The following BRINP3 variants were observed in gnomAD, a reference collection of about 807,000 sequenced individuals.
BRINP3 encodes BMP/retinoic acid-inducible neural-specific protein 3.
In BRINP3, 19 loss-of-function variants were observed where a neutral mutation model predicts 71.0. That is an observed-to-expected ratio of 0.27 (90% CI 0.19 to 0.39). The LOEUF (loss-of-function observed/expected upper bound fraction) is 0.39. Among genes scored for constraint, BRINP3 ranks in the 10% least tolerant of loss-of-function variants. The pLI is 1.00. For synonymous variants in BRINP3, 380 were observed against 337.7 expected (o/e 1.13, Z -1.37); for missense variants, 959 against 940.8 (o/e 1.02, Z -0.25).
intron 2 of BRINP3, among the ~76,000 whole-genome samples, chr1:190,416,391 G>C (rs72731152): frequency 0.059 from 9,036 of 152,068 alleles, 408 homozygotes; most frequent in Non-Finnish European, 0.08. Flanking sequence ...ACTTGCCCAA[G>C]AGCCCCATGA....
chr1:190,293,875 T>C (rs1339037311), intron 2 of BRINP3, among the ~76,000 whole-genome samples: 2 of 152,156 alleles, frequency 1.3e-5, no homozygotes, highest in Non-Finnish European at 2.9e-5. Context: ...ATAGAATATA[T>C]ATTTCCACCT....
chr1:190,458,160 A>C (rs1676135771), intron 1 of BRINP3, among the ~76,000 whole-genome samples: 1 of 151,922 alleles, frequency 6.6e-6, no homozygotes, highest in Non-Finnish European at 1.5e-5. Flanking sequence ...TCTACTTCTG[A>C]CTTTGGGAAC....
chr1:190,456,500 A>G (rs186248669), intron 1 of BRINP3, among the ~76,000 whole-genome samples: 1 of 152,080 alleles, frequency 6.6e-6, no homozygotes, highest in Non-Finnish European at 1.5e-5. Flanking sequence ...GCTTTTTTCT[A>G]TTATCTATAT....
chr1:190,444,239 C>CAAAAAAAAAAAA (rs764014934), intron 2 of BRINP3, among the ~76,000 whole-genome samples: 22 of 56,320 alleles, frequency 3.9e-4, no homozygotes, highest in Non-Finnish European at 4.3e-4. Flanking sequence ...AACTCCGTCT[C>CAAAAAAAAAAAA]AAAAAAAAAA....
chr1:190,327,350 AG>A (rs1558184829), intron 2 of BRINP3, among the ~76,000 whole-genome samples: 38 of 129,620 alleles, frequency 2.9e-4, no homozygotes, highest in Non-Finnish European at 3.6e-4. Flanking sequence ...AAAAAAAAAA[AG>A]GAAAAAAAAA....
At chr1:190,358,140 A>G (rs1171336) in intron 2 of BRINP3, among the ~76,000 whole-genome samples, 55,005 of 152,044 alleles carry the variant, frequency 0.36, 11,017 homozygotes, top group Admixed American at 0.48. Flanking sequence ...CAATGGCAAC[A>G]AAAGACAAAA....
chr1:190,228,729 G>C (rs939658716), intron 5 of BRINP3, among the ~76,000 whole-genome samples: 1 of 151,830 alleles, frequency 6.6e-6, no homozygotes, highest in African/African-American at 2.4e-5. Context: ...GGTTCCTAGA[G>C]AGATAGCTTG....
At chr1:190,190,691 T>C (rs1653958236) in intron 6 of BRINP3, among the ~76,000 whole-genome samples, 1 of 151,984 alleles carries the variant, frequency 6.6e-6, no homozygotes, top group African/African-American at 2.4e-5. Flanking sequence ...TTATAAGACA[T>C]AGGGAAAATC....
intron 4 of BRINP3, among the ~76,000 whole-genome samples, chr1:190,246,053 G>A (rs144865326): frequency 8.4e-4 from 127 of 150,512 alleles, no homozygotes; most frequent in Non-Finnish European, 1.5e-3. Context: ...GAATAGTGCC[G>A]CAATAAACAT....
At chr1:190,343,107 G>T (rs976492177) in intron 2 of BRINP3, among the ~76,000 whole-genome samples, 1 of 151,760 alleles carries the variant, frequency 6.6e-6, no homozygotes, top group Non-Finnish European at 1.5e-5. Flanking sequence ...AGATGAACAG[G>T]CGATGTATCA....
rs1386961502 is a variant in BRINP3, at chr1:190,221,729, T to C, written c.961+4353A>G. On this transcript the variant is annotated intron_variant, in intron 6 of 7. Coordinates refer to ENST00000367462, the MANE Select transcript of BRINP3 (RefSeq NM_199051.3). ...AGCGTGAAGGGGTGGAAAAAGATAC[T>C]CGATGCAACTGGAAAACAAAGGAGC... 3.3e-5 allele frequency among the ~76,000 whole-genome samples: 5 copies of C among 152,084 alleles called. No individual in the cohort carries two copies. The East Asian group carries it at 9.7e-4, about 29-fold the overall frequency.
intron 2 of BRINP3, among the ~76,000 whole-genome samples, chr1:190,442,313 G>A (rs1030270934): frequency 6.6e-6 from 1 of 152,100 alleles, no homozygotes; most frequent in East Asian, 1.9e-4. Flanking sequence ...TTTAAGATAA[G>A]ACCGTCAGCA....
intron 2 of BRINP3, among the ~76,000 whole-genome samples, chr1:190,302,963 C>T (rs919832603): frequency 3.3e-5 from 5 of 151,456 alleles, no homozygotes; most frequent in African/African-American, 4.8e-5. Context: ...TGTTTCACTT[C>T]GGCAAAAAGA....
At chr1:190,401,476 T>C (rs180916947) in intron 2 of BRINP3, among the ~76,000 whole-genome samples, 1 of 151,992 alleles carries the variant, frequency 6.6e-6, no homozygotes, top group African/African-American at 2.4e-5. Context: ...CTGTTTAATA[T>C]GTTTTTTTGT....
intron 2 of BRINP3, among the ~76,000 whole-genome samples, chr1:190,327,401 T>C (rs1029746055): frequency 8.4e-5 from 11 of 130,194 alleles, no homozygotes; most frequent in Non-Finnish European, 1.5e-4. Context: ...ATCTGTCTGC[T>C]GTATTCAAGA....
At chr1:190,111,258 G>A (rs1292074274) in intron 7 of BRINP3, among the ~76,000 whole-genome samples, 1 of 149,482 alleles carries the variant, frequency 6.7e-6, no homozygotes, top group African/African-American at 2.5e-5. Context: ...TGGACCCGAT[G>A]GTAATCACCT....
chr1:190,220,385 C>A (rs1656772925), intron 6 of BRINP3, among the ~76,000 whole-genome samples: 2 of 152,018 alleles, frequency 1.3e-5, no homozygotes, highest in South Asian at 2.1e-4. Context: ...CACATCAGGG[C>A]CTGTCAGGGG....
intron 2 of BRINP3, among the ~76,000 whole-genome samples, chr1:190,342,973 G>A (rs1667766027): frequency 6.6e-6 from 1 of 151,768 alleles, no homozygotes; most frequent in Non-Finnish European, 1.5e-5. Flanking sequence ...ACAAGTTTAA[G>A]GAGGTAGACT....
intron 6 of BRINP3, among the ~76,000 whole-genome samples, chr1:190,225,542 T>A (rs1445348702): frequency 3.3e-5 from 5 of 152,018 alleles, no homozygotes; most frequent in Non-Finnish European, 5.9e-5. Context: ...ATTTATTAAG[T>A]GTGCTTAAAA....
Sources: gnomAD v4.1 joint callset for allele counts (sites outside exome capture counted in the v4.1 genomes callset) on GRCh38, gnomAD v4.1.1 for gene constraint, MANE v1.5 for transcripts, NCBI Gene and HGNC (gene_info 2026-07-23, HGNC 2026-07-21) for gene names.